The following EFHD1 variants were observed in gnomAD, a reference collection of about 807,000 sequenced individuals.
EFHD1 encodes the protein EF-hand domain family member D1.
A neutral mutation model predicts 17.2 loss-of-function variants in EFHD1; 10 were observed. The ratio of observed to expected loss-of-function variants is 0.58; its 90% CI spans 0.36 to 0.99. EFHD1 has a LOEUF of 0.99. Among genes scored for constraint, EFHD1 ranks in the 50% least tolerant of loss-of-function variants. The pLI, the probability that EFHD1 is intolerant of heterozygous loss-of-function variation, is 0.01. For synonymous variants in EFHD1, 153 were observed against 142.0 expected (o/e 1.08, Z -0.55); for missense variants, 310 against 327.5 (o/e 0.95, Z 0.41).
chr2:232,655,457 G>T (rs1185698729), intron 1 of EFHD1, among the ~76,000 whole-genome samples: 2 of 152,220 alleles, frequency 1.3e-5, no homozygotes, highest in African/African-American at 4.8e-5. Context: ...AGGACTGTGT[G>T]GTCAGATGAG....
intron 1 of EFHD1, among the ~76,000 whole-genome samples, chr2:232,618,262 C>A (rs934673214): frequency 6.6e-6 from 1 of 152,024 alleles, no homozygotes; most frequent in Admixed American, 6.5e-5. Flanking sequence ...TCAGGTGATC[C>A]ACCTGCCTTG....
At chr2:232,610,369 C>T (rs1276569132) in intron 1 of EFHD1, among the ~76,000 whole-genome samples, 1 of 152,162 alleles carries the variant, frequency 6.6e-6, no homozygotes, top group African/African-American at 2.4e-5. Flanking sequence ...CTGGTCAGGA[C>T]CCTGCCCCTG....
At chr2:232,655,802 CTTTT>C (rs66762860) in intron 1 of EFHD1, among the ~76,000 whole-genome samples, 1 of 133,282 alleles carries the variant, frequency 7.5e-6, no homozygotes, top group African/African-American at 3.1e-5. Flanking sequence ...TGTGTGGGGT[CTTTT>C]TTTTTTTTTT....
At chr2:232,672,261 A>G in intron 2 of EFHD1, 48 bp from the exon 3 acceptor site, 1 of 1,613,446 alleles carries the variant, frequency 6.2e-7, no homozygotes, top group Non-Finnish European at 8.5e-7. Flanking sequence ...CTGGTTATGA[A>G]TCTGTCAGTG....
intron 1 of EFHD1, chr2:232,606,273 C>T: frequency 7.0e-7 from 1 of 1,425,138 alleles, no homozygotes; most frequent in Non-Finnish European, 9.7e-7. Flanking sequence ...CGCGGTAATT[C>T]CTGGCTTTCG....
At chr2:232,611,178 C>T (rs1348091321) in intron 1 of EFHD1, among the ~76,000 whole-genome samples, 1 of 152,052 alleles carries the variant, frequency 6.6e-6, no homozygotes, top group East Asian at 1.9e-4. Flanking sequence ...ACCATGTTGC[C>T]CAGGCTGGTC....
intron 2 of EFHD1, among the ~76,000 whole-genome samples, chr2:232,671,775 G>T (rs746734296): frequency 6.6e-6 from 1 of 150,756 alleles, no homozygotes; most frequent in Non-Finnish European, 1.5e-5. Context: ...AAAGTTTGAG[G>T]GTGGGAGGCA....
At chr2:232,645,692 G>T (rs1346241587) in intron 1 of EFHD1, among the ~76,000 whole-genome samples, 1 of 152,124 alleles carries the variant, frequency 6.6e-6, no homozygotes, top group Non-Finnish European at 1.5e-5. Context: ...CAGCCCCACT[G>T]ACTGTGTGCA....
At chr2:232,634,487 A>G (rs1317349903) in intron 1 of EFHD1, among the ~76,000 whole-genome samples, 1 of 152,238 alleles carries the variant, frequency 6.6e-6, no homozygotes, top group Non-Finnish European at 1.5e-5. Flanking sequence ...GAATGAGCGG[A>G]GGCCGAGAAC....
At chr2:232,619,471 C>T (rs562911900) in intron 1 of EFHD1, among the ~76,000 whole-genome samples, 9 of 151,612 alleles carry the variant, frequency 5.9e-5, no homozygotes, top group South Asian at 4.2e-4. Flanking sequence ...ACACCATGCC[C>T]GGCTAATTTT....
intron 1 of EFHD1, among the ~76,000 whole-genome samples, chr2:232,618,223 T>C (rs1693961292): frequency 2.0e-5 from 3 of 151,682 alleles, no homozygotes; most frequent in Admixed American, 2.0e-4. Flanking sequence ...TTTCACCATT[T>C]TGGCCAGGCT....
At chr2:232,653,989 C>T (rs1031007576) in intron 1 of EFHD1, among the ~76,000 whole-genome samples, 5 of 152,018 alleles carry the variant, frequency 3.3e-5, no homozygotes, top group Non-Finnish European at 7.4e-5. Context: ...GGCAGATCAC[C>T]TGAGGTCAGG....
intron 1 of EFHD1, among the ~76,000 whole-genome samples, chr2:232,617,006 G>A (rs1693937874): frequency 6.6e-6 from 1 of 152,212 alleles, no homozygotes. Flanking sequence ...GGCTGGAAGG[G>A]CTAGAGACAG....
intron 3 of EFHD1, among the ~76,000 whole-genome samples, chr2:232,681,361 G>T (rs193054364): frequency 4.1e-4 from 63 of 152,258 alleles, no homozygotes; most frequent in South Asian, 2.3e-3. Context: ...GCACATGGGG[G>T]CACAGCAACA....
At chr2:232,613,294 T>G (rs1693842135) in intron 1 of EFHD1, among the ~76,000 whole-genome samples, 1 of 151,834 alleles carries the variant, frequency 6.6e-6, no homozygotes, top group African/African-American at 2.4e-5. Flanking sequence ...CATGATGGCA[T>G]GCACCTGAAA....
chr2:232,609,557 C>G (rs1010516154), intron 1 of EFHD1, among the ~76,000 whole-genome samples: 2 of 152,046 alleles, frequency 1.3e-5, no homozygotes, highest in Non-Finnish European at 2.9e-5. Context: ...CTAAAGCCCC[C>G]CTAAGTGGCC....
chr2:232,641,686 T>G (rs1168018002), intron 1 of EFHD1, among the ~76,000 whole-genome samples: 1 of 152,244 alleles, frequency 6.6e-6, no homozygotes. Context: ...GTGAGCATGA[T>G]TTGGCCTGCA....
intron 2 of EFHD1, among the ~76,000 whole-genome samples, chr2:232,665,773 A>AG (rs1329301654): frequency 1.3e-5 from 2 of 152,218 alleles, no homozygotes; most frequent in Non-Finnish European, 2.9e-5. Flanking sequence ...GAGCATCTGA[A>AG]GTCTCAGTCA....
intron 1 of EFHD1, among the ~76,000 whole-genome samples, chr2:232,646,719 T>C (rs902699152): frequency 6.6e-6 from 1 of 152,174 alleles, no homozygotes; most frequent in Non-Finnish European, 1.5e-5. Flanking sequence ...AGTGCTGGGA[T>C]TACAGGCATG....
Sources: gnomAD v4.1 joint callset for allele counts (sites outside exome capture counted in the v4.1 genomes callset) on GRCh38, gnomAD v4.1.1 for gene constraint, MANE v1.5 for transcripts, NCBI Gene and HGNC (gene_info 2026-07-23, HGNC 2026-07-21) for gene names.